Variants in CDK13 observed in about 807,000 individuals in gnomAD.
CDK13 encodes the protein cyclin-dependent kinase 13.
In CDK13, 40 loss-of-function variants were observed where a neutral mutation model predicts 137.6. The observed-to-expected ratio is 0.29, with a 90% CI of 0.23 to 0.38. CDK13 has a LOEUF of 0.38. CDK13 is among the 10% of genes least tolerant of loss of function. The pLI is 1.00. For missense variants in CDK13, 1,704 were observed against 1,951.8 expected (o/e 0.87, Z 2.39); for synonymous variants, 869 against 760.1 (o/e 1.14, Z -2.36).
At chr7:40,083,548 GT>G (rs1786717709) in intron 11 of CDK13, among the ~76,000 whole-genome samples, 1 of 152,044 alleles carries the variant, frequency 6.6e-6, no homozygotes, top group Non-Finnish European at 1.5e-5. Context: ...TCTTAATTAT[GT>G]TTTTTAAGTA....
In CDK13 at chr7:40,092,631, T is replaced by C; in HGVS notation, c.3236-154T>C. 3 of 607,760 alleles carry C rather than the reference T, an allele frequency of 4.9e-6. No homozygotes were observed. The South Asian group carries it at 6.4e-5, about 13-fold the overall frequency. 37.6% of individuals were successfully genotyped at this position (607,760 alleles called of 1,614,324 possible). A position where few individuals can be genotyped will look rare whatever the true frequency, so the allele number is the denominator to read the frequency against. The stretch of plus-strand genomic sequence containing the variant: ...ACAGGTACATTTTAAATGTACATGA[T>C]ATTTAACTAGACTTGAGGTTCTCTT... On this transcript the variant is annotated intron_variant, in intron 12 of 13. Transcript: ENST00000181839.
chr7:40,002,111 G>T, intron 5 of CDK13, 80 bp downstream of exon 5: 1 of 881,822 alleles, frequency 1.1e-6, no homozygotes, highest in South Asian at 1.7e-5. Flanking sequence ...TTATAGATGT[G>T]ACTATTTGAG....
At chr7:40,018,466 A>C (rs1785048398) in intron 5 of CDK13, among the ~76,000 whole-genome samples, 1 of 152,212 alleles carries the variant, frequency 6.6e-6, no homozygotes, top group Admixed American at 6.5e-5. Flanking sequence ...GTGTGTGTTT[A>C]TTGCAGCACA....
intron 5 of CDK13, among the ~76,000 whole-genome samples, chr7:40,031,796 C>T (rs1310445908): frequency 6.7e-6 from 1 of 149,708 alleles, no homozygotes; most frequent in Non-Finnish European, 1.5e-5. Context: ...CAGGCACTCA[C>T]CACCAAGCTC....
At chr7:39,966,732 T>C (rs886063988) in intron 1 of CDK13, among the ~76,000 whole-genome samples, 3 of 152,160 alleles carry the variant, frequency 2.0e-5, no homozygotes, top group African/African-American at 2.4e-5. Flanking sequence ...TTTTTCCCCA[T>C]CTTTGTGGTT....
Position 40,097,426 on chromosome 7 carries a change from T to G in CDK13, c.*2446T>G, listed in dbSNP as rs538713442. On this transcript the variant is annotated 3_prime_UTR_variant, in exon 14 of 14. Transcript: ENST00000181839. ...ATGTCTTATAATTGATGAAATATGA[T>G]AGTAAAAAATTTTAATGCTTCCCTT... 16 of 152,182 alleles carry G rather than the reference T, an allele frequency of 1.1e-4. No homozygotes were observed. Among genetic ancestry groups the G allele is most frequent in the Non-Finnish European group, 2.4e-4 (16 of 67,968 alleles). The allele number at this position is 152,182 out of a possible 1,614,324, so 9.4% of individuals were successfully genotyped here.
chr7:39,950,334 G>T lies in CDK13; in HGVS notation c.-308G>T. 2 of 1,152,498 alleles carry T rather than the reference G, an allele frequency of 1.7e-6. No homozygotes were observed. Among genetic ancestry groups the T allele is most frequent in the Non-Finnish European group, 2.1e-6 (2 of 937,590 alleles). 71.4% of individuals were successfully genotyped at this position (1,152,498 alleles called of 1,614,324 possible). The stretch of plus-strand genomic sequence containing the variant: ...CCCCGGGGGCACTTGGAGGACTCGG[G>T]ACTCCCCCGCAGGTCAGCGCCCGGC... On this transcript the variant is annotated 5_prime_UTR_variant, in exon 1 of 14. Coordinates refer to ENST00000181839, the MANE Select transcript of CDK13 (RefSeq NM_003718.5).
chr7:40,010,828 T>A (rs1211865730), intron 5 of CDK13, among the ~76,000 whole-genome samples: 1 of 152,114 alleles, frequency 6.6e-6, no homozygotes. Flanking sequence ...TTCAGCAAAG[T>A]GGCAGCATAA....
At chr7:39,981,814 C>T (rs1220171994) in intron 1 of CDK13, among the ~76,000 whole-genome samples, 4 of 138,984 alleles carry the variant, frequency 2.9e-5, no homozygotes, top group South Asian at 4.4e-4. Flanking sequence ...TTTTTTGAGA[C>T]GGAGTCTCGC....
At chr7:40,003,153 TACACACACACACACACACAC>T (rs71560157) in intron 5 of CDK13, among the ~76,000 whole-genome samples, 18 of 119,954 alleles carry the variant, frequency 1.5e-4, no homozygotes, top group African/African-American at 3.7e-4. Flanking sequence ...CTTCCCCAGC[TACACACACACACACACACAC>T]ACACACACAC....
Position 39,973,484 on chromosome 7 carries a change from A to C in CDK13, c.1212-14115A>C, listed in dbSNP as rs375180297. Among the ~76,000 whole-genome samples, 58 of 152,278 alleles carry C rather than the reference A, an allele frequency of 3.8e-4. 1 individual carries two copies. The South Asian group carries it at 0.012, about 30-fold the overall frequency. On this transcript the variant is annotated intron_variant, in intron 1 of 13. Transcript: ENST00000181839. ...GCTGTCGTCTTATTATAGGATCTTA[A>C]GAGTTTTTTATACTGTCTATTCTAG...
intron 5 of CDK13, among the ~76,000 whole-genome samples, chr7:40,011,046 G>A (rs1325715860): frequency 6.6e-6 from 1 of 152,168 alleles, no homozygotes; most frequent in Non-Finnish European, 1.5e-5. Context: ...AGAAAATTCA[G>A]TATTATTAAG....
intron 5 of CDK13, among the ~76,000 whole-genome samples, chr7:40,013,262 AG>A (rs1784934372): frequency 6.6e-6 from 1 of 152,118 alleles, no homozygotes; most frequent in African/African-American, 2.4e-5. Context: ...TAAGAGAGAG[AG>A]GAATGGGGAG....
chr7:39,968,419 T>G (rs867277782), intron 1 of CDK13, among the ~76,000 whole-genome samples: 1 of 152,162 alleles, frequency 6.6e-6, no homozygotes. Flanking sequence ...TGTTTATTTT[T>G]AAGACACAGG....
chr7:40,055,612 T>C (rs1042783090), intron 7 of CDK13, among the ~76,000 whole-genome samples: 2 of 149,778 alleles, frequency 1.3e-5, no homozygotes, highest in African/African-American at 4.9e-5. Flanking sequence ...TCTTTCTTGC[T>C]CTGTCAACCA....
At position 39,950,717 on chromosome 7, in the gene CDK13, C is replaced by T. The variant is rs1358972288; in HGVS notation, c.76C>T (p.Arg26Cys). ...GGCGGAGAAGAAGTTGGAGGAACGC[C>T]GCAAGCGGAGGCGATTCCTGTCCCC... ...SWAEKKLEER[R>C]KRRRFLSPQQ... Residue 26 changes from arginine (R) to cysteine (C), a missense_variant, in exon 1 of 14, where the codon CGC becomes TGC. Transcript: ENST00000181839. 4 of 1,459,026 alleles carry T rather than the reference C, an allele frequency of 2.7e-6. No homozygotes were observed. The allele number at this position is 1,459,026 out of a possible 1,614,324, so 90.4% of individuals were successfully genotyped here.
intron 1 of CDK13, among the ~76,000 whole-genome samples, chr7:39,977,978 G>A (rs566480372): frequency 6.6e-6 from 1 of 152,244 alleles, no homozygotes; most frequent in African/African-American, 2.4e-5. Flanking sequence ...TTTAGAGGGT[G>A]CCACTGCCTC....
chr7:40,027,261 C>T (rs1046905747), intron 5 of CDK13, among the ~76,000 whole-genome samples: 10 of 152,102 alleles, frequency 6.6e-5, no homozygotes, highest in African/African-American at 2.2e-4. Context: ...AGGAGAGTCT[C>T]GAGCCCAGCA....
At chr7:39,987,556 A>G in intron 1 of CDK13, 43 bp from the exon 2 acceptor site, 2 of 1,476,494 alleles carry the variant, frequency 1.4e-6, no homozygotes, top group Non-Finnish European at 1.8e-6. Context: ...TCCAAACTGA[A>G]CCTTTCTCAA....
Sources: allele counts gnomAD v4.1 joint callset (sites outside exome capture counted in the v4.1 genomes callset), GRCh38; gene constraint gnomAD v4.1.1; transcripts MANE v1.5; gene names NCBI Gene and HGNC (gene_info 2026-07-23, HGNC 2026-07-21).